FOXN3: variants seen among roughly 807,000 people sequenced by gnomAD.
FOXN3 encodes the protein forkhead box N3.
In FOXN3, 7 loss-of-function variants were observed where a neutral mutation model predicts 38.4. The observed-to-expected ratio is 0.18, with a 90% confidence interval of 0.10 to 0.34. The LOEUF (loss-of-function observed/expected upper bound fraction) is 0.34. Among genes scored for constraint, FOXN3 ranks in the 10% least tolerant of loss-of-function variants. The pLI is 1.00. For missense variants in FOXN3, 456 were observed against 613.4 expected (o/e 0.74, Z 2.71); for synonymous variants, 230 against 242.2 (o/e 0.95, Z 0.47).
intron 3 of FOXN3, among the ~76,000 whole-genome samples, chr14:89,315,033 A>T (rs1887680072): frequency 6.6e-6 from 1 of 152,002 alleles, no homozygotes; most frequent in South Asian, 2.1e-4. Flanking sequence ...ATCTCCTTGA[A>T]TTATTTTCCT....
chr14:89,568,017 C>T (rs977471233), intron 1 of FOXN3, among the ~76,000 whole-genome samples: 12 of 152,094 alleles, frequency 7.9e-5, no homozygotes, highest in African/African-American at 1.9e-4. Flanking sequence ...CCATCGCGCC[C>T]GGCCAAATCT....
At chr14:89,479,733 A>C (rs1447497835) in intron 1 of FOXN3, among the ~76,000 whole-genome samples, 1 of 152,188 alleles carries the variant, frequency 6.6e-6, no homozygotes, top group Non-Finnish European at 1.5e-5. Flanking sequence ...TTCCAATAGG[A>C]CAGGTTATGG....
In FOXN3 at chr14:89,439,186, C is replaced by A. The variant is rs1209397112; in HGVS notation, c.-14-26696G>T. ...GCTCATAGCTTTACACAGACTAGCT[C>A]CTCTAGCTCTGCCAATAGCTCTTTG... On this transcript the variant is annotated intron_variant, in intron 1 of 6. Coordinates refer to the FOXN3 transcript ENST00000345097. Among the ~76,000 whole-genome samples, 6 of 152,268 alleles carry A rather than the reference C, an allele frequency of 3.9e-5. No individual in the cohort carries two copies. In the East Asian group the frequency reaches 5.8e-4, roughly 15 times the overall value.
chr14:89,463,091 A>G (rs549243791), intron 1 of FOXN3, among the ~76,000 whole-genome samples: 4 of 150,404 alleles, frequency 2.7e-5, no homozygotes, highest in South Asian at 2.1e-4. Flanking sequence ...GAGATTGAGA[A>G]GATCTGGCTA....
intron 4 of FOXN3, among the ~76,000 whole-genome samples, chr14:89,187,796 G>A (rs991104481): frequency 6.6e-6 from 1 of 152,178 alleles, no homozygotes; most frequent in African/African-American, 2.4e-5. Flanking sequence ...CAAGTGCACA[G>A]AGAAGACGCT....
intron 4 of FOXN3, among the ~76,000 whole-genome samples, chr14:89,226,974 A>G (rs983871499): frequency 6.6e-6 from 1 of 152,198 alleles, no homozygotes. Flanking sequence ...TGAAACTGTG[A>G]GACAATAAAT....
intron 1 of FOXN3, among the ~76,000 whole-genome samples, chr14:89,598,783 A>C (rs540954220): frequency 3.6e-4 from 55 of 152,334 alleles, no homozygotes; most frequent in African/African-American, 1.3e-3. Flanking sequence ...CTCCCCAACC[A>C]TGATGCTTTT....
At chr14:89,521,996 G>A (rs779284249) in intron 1 of FOXN3, among the ~76,000 whole-genome samples, 3 of 148,310 alleles carry the variant, frequency 2.0e-5, no homozygotes, top group Non-Finnish European at 4.4e-5. Flanking sequence ...CTCCAGCCTG[G>A]ATGACAGAAT....
At chr14:89,275,241 T>C (rs1886265363) in intron 4 of FOXN3, among the ~76,000 whole-genome samples, 1 of 152,194 alleles carries the variant, frequency 6.6e-6, no homozygotes, top group East Asian at 1.9e-4. Context: ...GATGGGTATC[T>C]TCAGCCAGCC....
chr14:89,510,190 G>A (rs390345), intron 1 of FOXN3, among the ~76,000 whole-genome samples: 103,044 of 152,084 alleles, frequency 0.68, 38,750 homozygotes, highest in Non-Finnish European at 0.85. Context: ...GCTCAGGGAA[G>A]TTGAGTGACT....
chr14:89,431,859 C>A (rs572315354), intron 1 of FOXN3, among the ~76,000 whole-genome samples: 1 of 152,090 alleles, frequency 6.6e-6, no homozygotes, highest in African/African-American at 2.4e-5. Context: ...GGATTACAGG[C>A]GCCCGCCACC....
intron 4 of FOXN3, among the ~76,000 whole-genome samples, chr14:89,199,596 G>A (rs1457659637): frequency 6.6e-6 from 1 of 152,170 alleles, no homozygotes; most frequent in Non-Finnish European, 1.5e-5. Flanking sequence ...AAAGGGGAAA[G>A]GATGAATGAT....
At chr14:89,415,591 AAAC>A (rs1273619497) in intron 1 of FOXN3, among the ~76,000 whole-genome samples, 3 of 147,778 alleles carry the variant, frequency 2.0e-5, no homozygotes, top group African/African-American at 7.5e-5. Context: ...AAACAAAACA[AAAC>A]AACAATAACC....
intron 2 of FOXN3, among the ~76,000 whole-genome samples, chr14:89,404,499 T>C (rs1200458304): frequency 1.1e-5 from 1 of 87,898 alleles, no homozygotes; most frequent in Non-Finnish European, 2.2e-5. Context: ...AGCGAGACTC[T>C]GTCTCAAAAA....
At position 89,467,565 on chromosome 14, in the gene FOXN3, G is replaced by A. The variant is rs2401825; in HGVS notation, c.-14-55075C>T. Among the ~76,000 whole-genome samples the A allele has an allele frequency of 2.3e-3, 339 of 147,372 alleles. 6 individuals are homozygous for A. Among genetic ancestry groups the A allele is most frequent in the Admixed American group, 0.019 (277 of 14,872 alleles). ...TAAACATGCCCTTTAAAAAAAAAAAGGCAAAACAGCACAGGAAGGAAGAAA... is the reference window on the plus strand; with the variant it reads ...TAAACATGCCCTTTAAAAAAAAAAAAGCAAAACAGCACAGGAAGGAAGAAA... On this transcript the variant is annotated intron_variant, in intron 1 of 6. Coordinates refer to the FOXN3 transcript ENST00000345097.
At chr14:89,428,533 T>C (rs1272075017) in intron 1 of FOXN3, among the ~76,000 whole-genome samples, 1 of 152,192 alleles carries the variant, frequency 6.6e-6, no homozygotes, top group Non-Finnish European at 1.5e-5. Context: ...CTCAAAGACG[T>C]GATTCTGACT....
At chr14:89,567,242 A>G (rs8014275) in intron 1 of FOXN3, among the ~76,000 whole-genome samples, 138,019 of 152,220 alleles carry the variant, frequency 0.91, 62,927 homozygotes, top group African/African-American at 0.97. Flanking sequence ...CTTTAGAGTC[A>G]AGCTCTGAAT....
intron 2 of FOXN3, among the ~76,000 whole-genome samples, chr14:89,363,949 T>A (rs1487860157): frequency 7.4e-4 from 2 of 2,694 alleles, no homozygotes; most frequent in African/African-American, 8.5e-4. Context: ...GTCTGTAAAA[T>A]ATATATATAT....
chr14:89,423,667 G>A (rs1000504744), intron 1 of FOXN3, among the ~76,000 whole-genome samples: 13 of 152,114 alleles, frequency 8.5e-5, no homozygotes, highest in African/African-American at 2.4e-4. Context: ...GCTCAAAACT[G>A]TAAAAATCAA....
Sources: allele counts gnomAD v4.1 joint callset (sites outside exome capture counted in the v4.1 genomes callset), GRCh38; gene constraint gnomAD v4.1.1; transcripts MANE v1.5; gene names NCBI Gene and HGNC (gene_info 2026-07-23, HGNC 2026-07-21).